The following NDUFAF2 variants were observed in gnomAD, a reference collection of about 807,000 sequenced individuals.
NDUFAF2 encodes the protein NADH dehydrogenase [ubiquinone] 1 alpha subcomplex assembly factor 2.
Under a neutral mutation model 22.8 loss-of-function variants are expected in NDUFAF2, and 13 were observed. The ratio of observed to expected loss-of-function variants is 0.57; its 90% CI spans 0.37 to 0.91. The LOEUF is 0.91. NDUFAF2 is among the 40% of genes least tolerant of loss of function. The pLI, the probability that NDUFAF2 is intolerant of heterozygous loss-of-function variation, is 0.01. For synonymous variants in NDUFAF2, 53 were observed against 64.2 expected, an observed-to-expected ratio of 0.83 and a Z score of 0.84; for missense variants, 162 against 195.2, an observed-to-expected ratio of 0.83 and a Z score of 1.01.
chr5:61,066,454 AAC>A (rs1426506360), intron 1 of NDUFAF2, among the ~76,000 whole-genome samples: 1 of 152,108 alleles, frequency 6.6e-6, no homozygotes, highest in Non-Finnish European at 1.5e-5. Context: ...AAAATTAATA[AAC>A]ACTTACTTTC....
chr5:60,988,385 A>T (rs1751111448), intron 1 of NDUFAF2, among the ~76,000 whole-genome samples: 1 of 152,134 alleles, frequency 6.6e-6, no homozygotes, highest in Admixed American at 6.5e-5. Flanking sequence ...GTGTGATTCT[A>T]ATCAAACTAC....
chr5:60,974,923 C>T (rs538346667), intron 1 of NDUFAF2, among the ~76,000 whole-genome samples: 1 of 152,216 alleles, frequency 6.6e-6, no homozygotes, highest in East Asian at 1.9e-4. Context: ...TCAAGCATTT[C>T]TCCTGCCTCA....
At chr5:61,039,566 A>C (rs1201256802) in intron 1 of NDUFAF2, among the ~76,000 whole-genome samples, 2 of 152,194 alleles carry the variant, frequency 1.3e-5, no homozygotes, top group African/African-American at 4.8e-5. Context: ...GGTATAAGTG[A>C]TGATATAATG....
At chr5:61,054,466 A>G (rs1375076082) in intron 1 of NDUFAF2, among the ~76,000 whole-genome samples, 1 of 152,270 alleles carries the variant, frequency 6.6e-6, no homozygotes, top group South Asian at 2.1e-4. Flanking sequence ...AGTCCTGGGC[A>G]GGTGATTTGT....
At chr5:61,123,247 A>G (rs1489958014) in intron 3 of NDUFAF2, among the ~76,000 whole-genome samples, 1 of 152,186 alleles carries the variant, frequency 6.6e-6, no homozygotes, top group Non-Finnish European at 1.5e-5. Context: ...ATATGAACTC[A>G]AAATGTAAAT....
At chr5:61,124,193 A>G (rs1427746421) in intron 3 of NDUFAF2, among the ~76,000 whole-genome samples, 1 of 149,712 alleles carries the variant, frequency 6.7e-6, no homozygotes, top group Non-Finnish European at 1.5e-5. Flanking sequence ...GAAGAGGCCC[A>G]TCATAATAAC....
chr5:61,001,800 C>T (rs1751299246), intron 1 of NDUFAF2, among the ~76,000 whole-genome samples: 1 of 152,130 alleles, frequency 6.6e-6, no homozygotes, highest in Non-Finnish European at 1.5e-5. Flanking sequence ...GTGATCAAAC[C>T]TTCTTATATG....
chr5:60,956,290 A>G (rs763910189), intron 1 of NDUFAF2, among the ~76,000 whole-genome samples: 6 of 152,190 alleles, frequency 3.9e-5, no homozygotes, highest in African/African-American at 1.2e-4. Context: ...GGGGATTTCT[A>G]TATGTAAGGT....
rs753884526 is a variant in NDUFAF2, at chr5:60,945,232, A to G, written c.-24A>G. 37 of 1,610,946 alleles carry G rather than the reference A, an allele frequency of 2.3e-5. No homozygotes were observed. The highest frequency in any genetic ancestry group is 2.8e-5 in the Non-Finnish European group (33 of 1,179,290). The stretch of plus-strand genomic sequence containing the variant: ...CCCTACTGCGGGTCCCGCTGCTGGC[A>G]GCGCTGGAAACTGGGTGGACGGCAT... On this transcript the variant is annotated 5_prime_UTR_variant, in exon 1 of 4. Transcript: ENST00000296597.
At chr5:60,971,535 C>T (rs1163434099) in intron 1 of NDUFAF2, among the ~76,000 whole-genome samples, 1 of 152,064 alleles carries the variant, frequency 6.6e-6, no homozygotes, top group African/African-American at 2.4e-5. Context: ...GATCCGCCCG[C>T]CTCGGCCTCC....
At chr5:61,056,910 A>T (rs1472173629) in intron 1 of NDUFAF2, among the ~76,000 whole-genome samples, 1 of 45,774 alleles carries the variant, frequency 2.2e-5, no homozygotes, top group Middle Eastern at 8.1e-3. Flanking sequence ...AAAAAAAAAA[A>T]AAAAAAAAAA....
At chr5:61,134,542 C>T (rs892051244) in intron 3 of NDUFAF2, among the ~76,000 whole-genome samples, 6 of 152,102 alleles carry the variant, frequency 3.9e-5, no homozygotes, top group South Asian at 2.1e-4. Flanking sequence ...AAAAATTAGC[C>T]GGACGTGGTG....
chr5:61,069,222 G>T (rs1300422795), intron 1 of NDUFAF2, among the ~76,000 whole-genome samples: 6 of 142,698 alleles, frequency 4.2e-5, no homozygotes, highest in Non-Finnish European at 7.6e-5. Flanking sequence ...AGGATTTTTT[G>T]AAATCAAGGG....
At chr5:61,152,638 C>A in intron 3 of NDUFAF2, 66 bp from the exon 4 acceptor site, 1 of 1,150,636 alleles carries the variant, frequency 8.7e-7, no homozygotes, top group Non-Finnish European at 1.2e-6. Flanking sequence ...TTTTTATTGG[C>A]TATTTTTATA....
intron 1 of NDUFAF2, among the ~76,000 whole-genome samples, chr5:61,036,289 T>C (rs1475663623): frequency 6.6e-6 from 1 of 152,216 alleles, no homozygotes; most frequent in Admixed American, 6.5e-5. Context: ...CAGATGAATG[T>C]TTATTGCAAA....
chr5:61,119,475 G>A (rs1045821844), intron 3 of NDUFAF2, among the ~76,000 whole-genome samples: 2 of 151,944 alleles, frequency 1.3e-5, no homozygotes, highest in Non-Finnish European at 2.9e-5. Context: ...TCAGAAATTT[G>A]ATCTTATTGC....
chr5:61,151,045 T>C (rs189492669), intron 3 of NDUFAF2, among the ~76,000 whole-genome samples: 170 of 152,324 alleles, frequency 1.1e-3, no homozygotes, highest in Non-Finnish European at 1.5e-3. Context: ...TATTGTTCTT[T>C]CCTGCACATA....
chr5:61,036,990 A>T (rs919801346), intron 1 of NDUFAF2, among the ~76,000 whole-genome samples: 10 of 151,970 alleles, frequency 6.6e-5, no homozygotes, highest in South Asian at 2.1e-4. Flanking sequence ...ACCATCCTAA[A>T]TTTTTTTTCA....
chr5:60,967,376 G>A, intron 1 of NDUFAF2, among the ~76,000 whole-genome samples: 1 of 151,930 alleles, frequency 6.6e-6, no homozygotes, highest in Non-Finnish European at 1.5e-5. Context: ...CTGGTACTAT[G>A]TTGAATACAA....
Sources: gnomAD v4.1 joint callset for allele counts (sites outside exome capture counted in the v4.1 genomes callset) on GRCh38, gnomAD v4.1.1 for gene constraint, MANE v1.5 for transcripts, NCBI Gene and HGNC (gene_info 2026-07-23, HGNC 2026-07-21) for gene names.